Variants in CDK5 observed in about 807,000 individuals in gnomAD.
The protein encoded by CDK5 is cyclin-dependent kinase 5.
Under a neutral mutation model 44.6 loss-of-function variants are expected in CDK5, and 18 were observed. That is an observed-to-expected ratio of 0.40 (90% CI 0.28 to 0.60). The LOEUF (loss-of-function observed/expected upper bound fraction) is 0.60, where lower values mean the gene tolerates loss of function less well. CDK5 is among the 20% of genes least tolerant of loss of function. The probability of loss-of-function intolerance (pLI) is 0.38; values close to 1 mark genes in which losing one functional copy is unlikely to be tolerated. For missense variants in CDK5, 198 were observed against 368.1 expected (o/e 0.54, Z 3.78); for synonymous variants, 143 against 152.8 (o/e 0.94, Z 0.47).
In CDK5 at chr7:151,056,841, C is replaced by T; in HGVS notation, c.195-45G>A. 1.3e-6 allele frequency: 2 copies of T among 1,596,884 alleles called. No individual in the cohort carries two copies. The highest frequency in any genetic ancestry group is 2.3e-5 in the East Asian group (1 of 43,944). On this transcript the variant is annotated intron_variant, in intron 3 of 11. Transcript: ENST00000485972. The surrounding 1 kb of genome is among the most constrained non-coding windows in gnomAD (Gnocchi z 4.7). ...CAGCCAGGCAGGTCCGCCTGACAGA[C>T]GTCCAGTGTCAGCCCCCGCCTCCCC...
rs1297028912 is a variant in CDK5 at position 151,056,814 on chromosome 7, C to T, written c.195-18G>A. 2 of 1,606,938 alleles carry T rather than the reference C, an allele frequency of 1.2e-6. No individual in the cohort carries two copies. Among genetic ancestry groups the T allele is most frequent in the Non-Finnish European group, 1.7e-6 (2 of 1,176,648 alleles). On this transcript the variant is annotated intron_variant, in intron 3 of 11. Transcript: ENST00000485972. This position sits in a 1 kb window ranked among gnomAD's most constrained non-coding sequence, Gnocchi z 4.7. ...CATGAAGCCTAGGGCAAAAGAAGGG[C>T]TCAGCCAGGCAGGTCCGCCTGACAG...
Position 151,057,476 on chromosome 7 carries a change from A to T in CDK5, c.38-316T>A. Reference sequence around the variant, plus strand: ...GGGAGAGGACTGAGGGGCTGCAGAAATATTGAGGTTGGAGGTCTGCAGCAA... The same window carrying T: ...GGGAGAGGACTGAGGGGCTGCAGAATTATTGAGGTTGGAGGTCTGCAGCAA... On this transcript the variant is annotated intron_variant, in intron 1 of 11. Transcript: ENST00000485972. This position sits in a 1 kb window ranked among gnomAD's most constrained non-coding sequence, Gnocchi z 5.2. 1 of 587,202 alleles carries T rather than the reference A, an allele frequency of 1.7e-6. No individual in the cohort carries two copies. Among genetic ancestry groups the T allele is most frequent in the African/African-American group, 1.9e-5 (1 of 53,660 alleles). The allele number at this position is 587,202 out of a possible 1,614,324, so 36.4% of individuals were successfully genotyped here.
intron 7 of CDK5, 54 bp downstream of exon 7, chr7:151,055,478 G>T: frequency 1.3e-6 from 2 of 1,576,104 alleles, no homozygotes; most frequent in Non-Finnish European, 1.7e-6. Flanking sequence ...TGGGTCCTGG[G>T]GTTGGAGCTG....
At chr7:151,055,461 AAT>A in intron 7 of CDK5, 69 bp downstream of exon 7, 1 of 1,564,692 alleles carries the variant, frequency 6.4e-7, no homozygotes, top group Admixed American at 1.7e-5. Flanking sequence ...AGAGGAAAAT[AAT>A]GTTTTGGGTC....
In CDK5 at chr7:151,053,866, A is replaced by G. The variant is rs1728524570; in HGVS notation, c.*143T>C. Reference sequence around the variant, plus strand: ...TTAAATAAAGTCCACAAAGGGAGTGAGAAATTCGGGCTCAGGCACCCCACC... The same window carrying G: ...TTAAATAAAGTCCACAAAGGGAGTGGGAAATTCGGGCTCAGGCACCCCACC... On this transcript the variant is annotated 3_prime_UTR_variant, in exon 12 of 12. Coordinates refer to ENST00000485972, the MANE Select transcript of CDK5 (RefSeq NM_004935.4). 4 of 647,030 alleles carry G rather than the reference A, an allele frequency of 6.2e-6. No individual in the cohort carries two copies. The highest frequency in any genetic ancestry group is 5.7e-5 in the South Asian group (3 of 52,450). The allele number at this position is 647,030 out of a possible 1,614,324, so 40.1% of individuals were successfully genotyped here.
rs185592100 is a variant in CDK5, at chr7:151,056,075, C to T, written c.313-227G>A. 9.5e-4 allele frequency: 548 copies of T among 576,340 alleles called. 4 individuals carry two copies. Among genetic ancestry groups the T allele is most frequent in the African/African-American group, 9.4e-3 (503 of 53,694 alleles). The allele number at this position is 576,340 out of a possible 1,614,324, so 35.7% of individuals were successfully genotyped here. On this transcript the variant is annotated intron_variant, in intron 5 of 11. Transcript: ENST00000485972. This position sits in a 1 kb window ranked among gnomAD's most constrained non-coding sequence, Gnocchi z 4.7. ...GGCTCTGGTCCCCACCTTCCTGGAC[C>T]ATACAGCCTAATGGGCCTTGGCAGG...
Position 151,053,995 on chromosome 7 carries a change from G to T in CDK5, c.*14C>A, listed in dbSNP as rs368178302. On this transcript the variant is annotated 3_prime_UTR_variant, in exon 12 of 12. Transcript: ENST00000485972. ...TAGGCCAGGCCCCAGCCTGGAGGCC[G>T]GGGGTCCCGGGGCCTAGGGCGGACA... 45 of 1,574,242 alleles carry T rather than the reference G, an allele frequency of 2.9e-5. 1 individual carries two copies. Among genetic ancestry groups the T allele is most frequent in the Middle Eastern group, 2.1e-4 (1 of 4,790 alleles).
Position 151,055,052 on chromosome 7 carries a change from C to T in CDK5, c.625G>A (p.Asp209Asn). The T allele has an allele frequency of 1.9e-6, 3 of 1,613,812 alleles. No homozygotes were observed. Among genetic ancestry groups the T allele is most frequent in the East Asian group, 2.2e-5 (1 of 44,890 alleles). Residue 209 changes from aspartate to asparagine, a missense_variant, in exon 9 of 12, where the codon GAT becomes AAT. By Grantham distance (23) the Asp-to-Asn change is conservative. Coordinates refer to ENST00000485972, the MANE Select transcript of CDK5 (RefSeq NM_004935.4). ...GRPLFPGNDV[D>N]DQLKRIFRLL... The stretch of plus-strand genomic sequence containing the variant: ...CGGAAGATCCTCTTCAACTGGTCAT[C>T]GACATCATTGCCGGGAAAAAGAGGC...
rs1311412496 is a variant in CDK5 at position 151,056,865 on chromosome 7, C to T, written c.194+43G>A. 1.3e-6 allele frequency: 2 copies of T among 1,594,344 alleles called. No homozygotes were observed. Among genetic ancestry groups the T allele is most frequent in the Non-Finnish European group, 1.7e-6 (2 of 1,170,874 alleles). ...ACGTCCAGTGTCAGCCCCCGCCTCC[C>T]CCAAGCGGCCACACCGGCAAGGAGC... On this transcript the variant is annotated intron_variant, in intron 3 of 11. Transcript: ENST00000485972. The surrounding 1 kb of genome is among the most constrained non-coding windows in gnomAD (Gnocchi z 4.7).
chr7:151,055,703 C>T (rs770097615), intron 6 of CDK5, 50 bp downstream of exon 6: 27 of 1,544,750 alleles, frequency 1.7e-5, no homozygotes, highest in East Asian at 9.2e-5. Context: ...CTGTGCTCCC[C>T]GTGCCCTGGC....
In CDK5 at chr7:151,053,947, C is replaced by A. The variant is rs1796842781; in HGVS notation, c.*62G>T. 7.0e-6 allele frequency: 10 copies of A among 1,432,636 alleles called. 1 individual carries two copies. The South Asian group carries it at 1.2e-4, about 18-fold the overall frequency. 88.7% of individuals were successfully genotyped at this position (1,432,636 alleles called of 1,614,324 possible). A position where few individuals can be genotyped will look rare whatever the true frequency, so the allele number is the denominator to read the frequency against. Reference sequence around the variant, plus strand: ...CGCACCAGGCACCCCCACTGTCTCACCCCTCTCAAGAGGGGGCTTAAATAG... The same window carrying A: ...CGCACCAGGCACCCCCACTGTCTCAACCCTCTCAAGAGGGGGCTTAAATAG... On this transcript the variant is annotated 3_prime_UTR_variant, in exon 12 of 12. Coordinates refer to ENST00000485972, the MANE Select transcript of CDK5 (RefSeq NM_004935.4).
rs772015673 is a variant in CDK5 at position 151,054,012 on chromosome 7, G to C, written c.876C>G (p.Pro292=). The change falls in exon 12 of 12, where the codon CCC becomes CCG. Residue 292 remains proline (P), a synonymous_variant. Transcript: ENST00000485972. The surrounding 1 kb of genome is among the most constrained non-coding windows in gnomAD (Gnocchi z 5.7). ...TGGAGGCCGGGGGTCCCGGGGCCTA[G>C]GGCGGACAGAAGTCGGAGAAGTAGG... The part of the protein sequence containing the change: ...QHPYFSDFCP[P] The C allele has an allele frequency of 4.4e-6, 7 of 1,589,538 alleles. No homozygotes were observed. The African/African-American group carries it at 9.4e-5, about 21-fold the overall frequency.
At position 151,057,172 on chromosome 7, in the gene CDK5, A is replaced by T; in HGVS notation, c.38-12T>A. On this transcript the variant is annotated splice_polypyrimidine_tract_variant and intron_variant, in intron 1 of 11. Transcript: ENST00000485972. This position sits in a 1 kb window ranked among gnomAD's most constrained non-coding sequence, Gnocchi z 5.2. ...AGTTCCGTAGGTGCCTAGGGGAAGG[A>T]GGTCAGGGGTCAGGGTGAGGATGCG... 1 of 1,607,842 alleles carries T rather than the reference A, an allele frequency of 6.2e-7. No homozygotes were observed. Among genetic ancestry groups the T allele is most frequent in the Non-Finnish European group, 8.5e-7 (1 of 1,174,370 alleles).
At position 151,056,348 on chromosome 7, in the gene CDK5, C is replaced by T. The variant is rs1474334572; in HGVS notation, c.312+232G>A. 1.0e-5 allele frequency: 6 copies of T among 594,278 alleles called. No homozygotes were observed. Among genetic ancestry groups the T allele is most frequent in the South Asian group, 4.1e-5 (2 of 48,612 alleles). 36.8% of individuals were successfully genotyped at this position (594,278 alleles called of 1,614,324 possible). On this transcript the variant is annotated intron_variant, in intron 5 of 11. Transcript: ENST00000485972. This position sits in a 1 kb window ranked among gnomAD's most constrained non-coding sequence, Gnocchi z 4.7. Reference sequence around the variant, plus strand: ...CCTTGAACCTCATTTTCTCATCTCTCGAGTGTAAATAATATCACTGACATC... The same window carrying T: ...CCTTGAACCTCATTTTCTCATCTCTTGAGTGTAAATAATATCACTGACATC...
In CDK5 at chr7:151,053,947, C is replaced by T; in HGVS notation, c.*62G>A. ...CGCACCAGGCACCCCCACTGTCTCA[C>T]CCCTCTCAAGAGGGGGCTTAAATAG... On this transcript the variant is annotated 3_prime_UTR_variant, in exon 12 of 12. Coordinates refer to ENST00000485972, the MANE Select transcript of CDK5 (RefSeq NM_004935.4). 1 of 1,432,754 alleles carries T rather than the reference C, an allele frequency of 7.0e-7. No homozygotes were observed. The highest frequency in any genetic ancestry group is 9.6e-7 in the Non-Finnish European group (1 of 1,045,890). 88.8% of individuals were successfully genotyped at this position (1,432,754 alleles called of 1,614,324 possible).
Position 151,054,452 on chromosome 7 carries a change from G to A in CDK5, c.664C>T (p.Pro222Ser). ...LKRIFRLLGT[P>S]TEEQWPSMTK... The stretch of plus-strand genomic sequence containing the variant: ...ATAGAGGGCCACTGCTCCTCGGTGG[G>A]CGTCCCCAGCAGTGTGTCCACGGAG... Residue 222 changes from proline (P) to serine (S), a missense_variant, in exon 10 of 12, where the codon CCC (proline) becomes TCC (serine). Pro to Ser is a moderately conservative substitution (Grantham distance 74). Around this residue, in one of 4 missense-constraint regions of CDK5, gnomAD observed 81 missense variants for 102.1 expected, o/e 0.79. Transcript: ENST00000485972. The surrounding 1 kb of genome is among the most constrained non-coding windows in gnomAD (Gnocchi z 5.7). 6.2e-7 allele frequency: 1 copy of A among 1,612,708 alleles called. No homozygotes were observed. Among genetic ancestry groups the A allele is most frequent in the Non-Finnish European group, 8.5e-7 (1 of 1,179,270 alleles).
rs761599620 is a variant in CDK5 at position 151,054,314 on chromosome 7, C to T, written c.712-22G>A. On this transcript the variant is annotated intron_variant, in intron 10 of 11. Transcript: ENST00000485972. The surrounding 1 kb of genome is among the most constrained non-coding windows in gnomAD (Gnocchi z 5.7). Reference sequence around the variant, plus strand: ...AGGGCTGTGGAGAGGCAGGGAGGGTCAGACTAGAGGTAGGGGGAGGGGGAT... The same window carrying T: ...AGGGCTGTGGAGAGGCAGGGAGGGTTAGACTAGAGGTAGGGGGAGGGGGAT... 6.2e-6 allele frequency: 10 copies of T among 1,613,298 alleles called. No homozygotes were observed. Among genetic ancestry groups the T allele is most frequent in the Non-Finnish European group, 7.6e-6 (9 of 1,179,474 alleles).
chr7:151,056,607 A>G lies in CDK5; in HGVS notation c.285T>C (p.Asn95=), dbSNP rs1403618040. 8.7e-6 allele frequency: 14 copies of G among 1,612,142 alleles called. No individual in the cohort carries two copies. Among genetic ancestry groups the G allele is most frequent in the Non-Finnish European group, 1.2e-5 (14 of 1,179,152 alleles). The change falls in exon 5 of 12, where the codon AAT becomes AAC. Residue 95 remains asparagine, a synonymous_variant. Transcript: ENST00000485972. The surrounding 1 kb of genome is among the most constrained non-coding windows in gnomAD (Gnocchi z 4.7). The part of the protein sequence containing the change: ...QDLKKYFDSC[N]GDLDPEIVKS... The stretch of plus-strand genomic sequence containing the variant: ...TTACAATCTCAGGATCGAGGTCACC[A>G]TTGCAACTGTCAAAATACTTCTTCA...
At position 151,057,681 on chromosome 7, in the gene CDK5, G is replaced by T; in HGVS notation, c.37+131C>A. The T allele has an allele frequency of 1.0e-6, 1 of 970,880 alleles. No individual in the cohort carries two copies. The highest frequency in any genetic ancestry group is 1.6e-6 in the Non-Finnish European group (1 of 624,134). The allele number at this position is 970,880 out of a possible 1,614,324, so 60.1% of individuals were successfully genotyped here. On this transcript the variant is annotated intron_variant, in intron 1 of 11. Transcript: ENST00000485972. This position sits in a 1 kb window ranked among gnomAD's most constrained non-coding sequence, Gnocchi z 5.2. ...GTGTCTGCACGGAGTGCTGAGCTAG[G>T]GGGCCAGGGCTGCAGCCGCTGCTGA... is the stretch of plus-strand genomic sequence containing the variant.
Sources: gnomAD v4.1 joint callset for allele counts on GRCh38, gnomAD v4.1.1 for gene constraint, gnomAD v4.1.1 regional missense constraint, Gnocchi (gnomAD v3.1) non-coding constraint, MANE v1.5 for transcripts, NCBI Gene and HGNC (gene_info 2026-07-23, HGNC 2026-07-21) for gene names.